The following ITPK1 variants were observed in gnomAD, a reference collection of about 807,000 sequenced individuals.
The protein encoded by ITPK1 is inositol 1,3,4-trisphosphate 5/6-kinase.
ITPK1 carries 21 observed loss-of-function variants against 45.3 expected under a neutral mutation model. The ratio of observed to expected loss-of-function variants is 0.46; its 90% CI spans 0.33 to 0.67. ITPK1 has a LOEUF of 0.67. Ranked by LOEUF, ITPK1 falls within the 30% of genes least tolerant of loss-of-function variation. The pLI, the probability that ITPK1 is intolerant of heterozygous loss-of-function variation, is 0.02. For missense variants in ITPK1, 474 were observed against 573.5 expected, an observed-to-expected ratio of 0.83 and a Z score of 1.77; for synonymous variants, 258 against 253.6, an observed-to-expected ratio of 1.02 and a Z score of -0.16.
chr14:92,990,691 C>G (rs1282232337), intron 5 of ITPK1, among the ~76,000 whole-genome samples: 1 of 152,162 alleles, frequency 6.6e-6, no homozygotes, highest in Non-Finnish European at 1.5e-5. Context: ...CTCCCAGCAG[C>G]AGGCCTCATC....
chr14:93,003,983 A>G (rs1450692646), intron 4 of ITPK1, among the ~76,000 whole-genome samples: 1 of 152,248 alleles, frequency 6.6e-6, no homozygotes, highest in Non-Finnish European at 1.5e-5. Context: ...GTTCTAGATT[A>G]TTTGATTCTG....
At position 92,977,474 on chromosome 14, in the gene ITPK1, C is replaced by T. The variant is rs930174444; in HGVS notation, c.365-14625G>A. Reference sequence around the variant, plus strand: ...AACTCGAACTCAGATCAGCAGCAAACTTCTAAGCCAGCCGACGTGGTTTGG... The same window carrying T: ...AACTCGAACTCAGATCAGCAGCAAATTTCTAAGCCAGCCGACGTGGTTTGG... On this transcript the variant is annotated intron_variant, in intron 5 of 10. Transcript: ENST00000267615. Among the ~76,000 whole-genome samples the T allele has an allele frequency of 3.3e-5, 5 of 152,350 alleles. No homozygotes were observed. In the South Asian group the frequency reaches 1.0e-3, roughly 32 times the overall value.
chr14:93,046,178 C>T (rs1211522734), intron 3 of ITPK1, among the ~76,000 whole-genome samples: 1 of 152,246 alleles, frequency 6.6e-6, no homozygotes, highest in Non-Finnish European at 1.5e-5. Context: ...CCCAGGCTGA[C>T]CACAAGTTCC....
chr14:93,047,549 G>A (rs1173948800), intron 3 of ITPK1, among the ~76,000 whole-genome samples: 7 of 152,224 alleles, frequency 4.6e-5, no homozygotes, highest in Non-Finnish European at 1.0e-4. Flanking sequence ...TGGAGGCAGA[G>A]ACTACAGCGA....
intron 3 of ITPK1, among the ~76,000 whole-genome samples, chr14:93,023,733 G>A (rs1888583838): frequency 6.6e-6 from 1 of 152,110 alleles, no homozygotes; most frequent in Admixed American, 6.6e-5. Context: ...AGAGGAATGG[G>A]GATTTATCCT....
At chr14:92,954,274 CCTCT>C (rs1487686114) in intron 8 of ITPK1, among the ~76,000 whole-genome samples, 1 of 152,194 alleles carries the variant, frequency 6.6e-6, no homozygotes, top group Non-Finnish European at 1.5e-5. Flanking sequence ...GGGCTCAGTT[CCTCT>C]CTATGTGCGG....
In ITPK1 at chr14:92,950,837, C is replaced by T. The variant is rs529476340; in HGVS notation, c.738+1109G>A. ...TAATATTCTCAGCCAGGCACTGAGGCTCTGTTGAAATCTGTTCCCAAAGCC... is the reference window on the plus strand; with the variant it reads ...TAATATTCTCAGCCAGGCACTGAGGTTCTGTTGAAATCTGTTCCCAAAGCC... On this transcript the variant is annotated intron_variant, in intron 9 of 10. Transcript: ENST00000267615. Among the ~76,000 whole-genome samples the T allele has an allele frequency of 5.2e-5, 8 of 152,384 alleles. No individual in the cohort carries two copies. The South Asian group carries it at 1.2e-3, about 24-fold the overall frequency.
chr14:93,021,773 G>A (rs1183436222), intron 3 of ITPK1, among the ~76,000 whole-genome samples: 1 of 151,986 alleles, frequency 6.6e-6, no homozygotes, highest in African/African-American at 2.4e-5. Flanking sequence ...AAGAGCTAAA[G>A]GTCATTTGGG....
At chr14:92,970,870 C>T (rs1214814617) in intron 5 of ITPK1, among the ~76,000 whole-genome samples, 1 of 152,096 alleles carries the variant, frequency 6.6e-6, no homozygotes, top group Non-Finnish European at 1.5e-5. Flanking sequence ...CTCCTGACCC[C>T]GTGATCCGCC....
intron 2 of ITPK1, among the ~76,000 whole-genome samples, chr14:93,080,678 G>T (rs980971387): frequency 6.6e-6 from 1 of 152,144 alleles, no homozygotes; most frequent in African/African-American, 2.4e-5. Flanking sequence ...GTGTTTTCCA[G>T]ATTTTCTACA....
chr14:92,995,927 T>C (rs1423829887), intron 4 of ITPK1, among the ~76,000 whole-genome samples: 1 of 152,184 alleles, frequency 6.6e-6, no homozygotes. Context: ...ACCTGATCCC[T>C]CGTCTCATTT....
At chr14:93,114,905 C>G (rs904605734) in intron 2 of ITPK1, among the ~76,000 whole-genome samples, 164 bp downstream of exon 2, 1 of 152,104 alleles carries the variant, frequency 6.6e-6, no homozygotes, top group Non-Finnish European at 1.5e-5. Flanking sequence ...GGCCGGCGGC[C>G]GCCACCGCCA....
In ITPK1 at chr14:93,106,634, T is replaced by C. The variant is rs148769625; in HGVS notation, c.95+8435A>G. The stretch of plus-strand genomic sequence containing the variant: ...GTGGCTGCAGCCACTGCGCCATAGT[T>C]CTCTCCTGTTTGCAGGTTTCCTGGC... On this transcript the variant is annotated intron_variant, in intron 2 of 10. Transcript: ENST00000267615. 8.8e-3 allele frequency among the ~76,000 whole-genome samples: 1,339 copies of C among 152,210 alleles called. 29 individuals are homozygous for C. The highest frequency in any genetic ancestry group is 0.031 in the African/African-American group (1,275 of 41,534).
intron 3 of ITPK1, among the ~76,000 whole-genome samples, chr14:93,050,600 C>T (rs1889965264): frequency 6.6e-6 from 1 of 152,046 alleles, no homozygotes; most frequent in Admixed American, 6.5e-5. Flanking sequence ...GGCTCCTGCA[C>T]CCCACCTCAG....
At position 92,941,219 on chromosome 14, in the gene ITPK1, C is replaced by G; in HGVS notation, c.*342G>C. ...CACAGTGGCCATGGAGACCAACAGA[C>G]AGGGATGTGCACAGACACTGGCATG... On this transcript the variant is annotated 3_prime_UTR_variant, in exon 11 of 11. Transcript: ENST00000267615. The G allele has an allele frequency of 7.7e-7, 1 of 1,297,322 alleles. No individual in the cohort carries two copies. The highest frequency in any genetic ancestry group is 1.6e-5 in the South Asian group (1 of 62,468). 80.4% of individuals were successfully genotyped at this position (1,297,322 alleles called of 1,614,324 possible). A position where few individuals can be genotyped will look rare whatever the true frequency, so the allele number is the denominator to read the frequency against.
chr14:92,945,130 C>A (rs186941584), intron 10 of ITPK1, among the ~76,000 whole-genome samples: 4 of 152,366 alleles, frequency 2.6e-5, no homozygotes, highest in African/African-American at 9.6e-5. Flanking sequence ...GGTGAGCTCT[C>A]CCCAGGCAGG....
chr14:93,034,982 A>G lies in ITPK1; in HGVS notation c.121-18181T>C, dbSNP rs1320872504. The stretch of plus-strand genomic sequence containing the variant: ...GCCTGGCCTCTGGGCACCTGCACCT[A>G]CAAAGCAAGTCCTACAGGGTGAACA... On this transcript the variant is annotated intron_variant, in intron 3 of 10. Coordinates refer to ENST00000267615, the MANE Select transcript of ITPK1 (RefSeq NM_014216.6). The surrounding 1 kb of genome is among the most constrained non-coding windows in gnomAD (Gnocchi z 4.1). 1.3e-5 allele frequency among the ~76,000 whole-genome samples: 2 copies of G among 152,200 alleles called. No homozygotes were observed. Among genetic ancestry groups the G allele is most frequent in the African/African-American group, 2.4e-5 (1 of 41,442 alleles).
intron 3 of ITPK1, among the ~76,000 whole-genome samples, chr14:93,019,878 G>A (rs1247089502): frequency 6.6e-6 from 1 of 152,190 alleles, no homozygotes; most frequent in Admixed American, 6.5e-5. Context: ...TCATTTCAAG[G>A]TTGTCATTCT....
At position 93,044,542 on chromosome 14, in the gene ITPK1, G is replaced by A. The variant is rs186977848; in HGVS notation, c.121-27741C>T. Among the ~76,000 whole-genome samples, 173 of 152,312 alleles carry A rather than the reference G, an allele frequency of 1.1e-3. 2 individuals are homozygous for A. The highest frequency in any genetic ancestry group is 3.8e-3 in the African/African-American group (158 of 41,556). ...GCAGCAGATGGAAACTCTGGAACTC[G>A]AGGGCCACGGATGAGCCACAGGGCC... On this transcript the variant is annotated intron_variant, in intron 3 of 10. Coordinates refer to ENST00000267615, the MANE Select transcript of ITPK1 (RefSeq NM_014216.6).
Sources: allele counts gnomAD v4.1 joint callset (sites outside exome capture counted in the v4.1 genomes callset), GRCh38; gene constraint gnomAD v4.1.1; non-coding constraint Gnocchi (gnomAD v3.1); transcripts MANE v1.5; gene names NCBI Gene and HGNC (gene_info 2026-07-23, HGNC 2026-07-21).